Variants in NUP210L observed in about 807,000 individuals in gnomAD.
NUP210L encodes the protein nucleoporin 210 like, also known as nuclear pore membrane glycoprotein 210-like.
A neutral mutation model predicts 208.5 loss-of-function variants in NUP210L; 74 were observed. The ratio of observed to expected loss-of-function variants is 0.35; its 90% CI spans 0.29 to 0.43. The LOEUF (loss-of-function observed/expected upper bound fraction) is 0.43, where lower values mean the gene tolerates loss of function less well. NUP210L is among the 20% of genes least tolerant of loss of function. The pLI is 1.00. For synonymous variants in NUP210L, 780 were observed against 816.9 expected (o/e 0.95, Z 0.77); for missense variants, 1,843 against 2,289.4 (o/e 0.81, Z 3.98).
intron 35 of NUP210L, among the ~76,000 whole-genome samples, chr1:154,005,262 C>T (rs374657017): frequency 6.6e-5 from 10 of 151,984 alleles, no homozygotes; most frequent in African/African-American, 2.2e-4. Flanking sequence ...GTCTGTCGCC[C>T]AGGCAAAATG....
At chr1:154,013,006 C>CAAAAAAAAAAAAAA (rs149011212) in intron 33 of NUP210L, among the ~76,000 whole-genome samples, 1 of 72,638 alleles carries the variant, frequency 1.4e-5, no homozygotes, top group Non-Finnish European at 2.4e-5. Flanking sequence ...AACTCTGAAT[C>CAAAAAAAAAAAAAA]AAAAAAAAAA....
At chr1:154,043,375 C>G (rs953122412) in intron 27 of NUP210L, among the ~76,000 whole-genome samples, 1 of 147,452 alleles carries the variant, frequency 6.8e-6, no homozygotes, top group Non-Finnish European at 1.5e-5. Context: ...AGTGCAATGG[C>G]GTAATCTCAG....
intron 2 of NUP210L, among the ~76,000 whole-genome samples, chr1:154,143,807 A>G (rs190993651): frequency 1.3e-5 from 2 of 152,310 alleles, no homozygotes; most frequent in East Asian, 3.9e-4. Context: ...CTACTCATCC[A>G]TGGAAAAATA....
intron 15 of NUP210L, among the ~76,000 whole-genome samples, chr1:154,092,011 CAG>C (rs1241201780): frequency 2.0e-5 from 3 of 150,670 alleles, no homozygotes; most frequent in African/African-American, 7.3e-5. Context: ...GCCAAAATTA[CAG>C]AGACAGAAAG....
At chr1:154,152,592 G>A (rs186377244) in intron 2 of NUP210L, 144 bp downstream of exon 2, 144 of 692,770 alleles carry the variant, frequency 2.1e-4, no homozygotes, top group East Asian at 1.8e-3. Flanking sequence ...GATTAAAGGC[G>A]TGAGCCACTG....
intron 38 of NUP210L, among the ~76,000 whole-genome samples, chr1:153,994,817 G>A (rs1350851725): frequency 6.6e-6 from 1 of 151,138 alleles, no homozygotes; most frequent in Non-Finnish European, 1.5e-5. Flanking sequence ...TTCAAGACCA[G>A]CCTGGCCAAG....
intron 17 of NUP210L, 55 bp from the exon 18 acceptor site, chr1:154,061,729 A>G: frequency 9.0e-7 from 1 of 1,117,074 alleles, no homozygotes; most frequent in Non-Finnish European, 1.3e-6. Context: ...AGAATACGCA[A>G]GTGTTTCTAG....
rs187868474 is a variant in NUP210L at position 154,098,581 on chromosome 1, C to T, written c.1965+1417G>A. Among the ~76,000 whole-genome samples the T allele has an allele frequency of 1.3e-4, 20 of 152,212 alleles. No individual in the cohort carries two copies. The East Asian group carries it at 3.7e-3, about 28-fold the overall frequency. ...TCTGCAGCTCTCAGCAGAGAGGAGG[C>T]CCTGGAGTTGGTAGCTCCTCTCTGC... On this transcript the variant is annotated intron_variant, in intron 14 of 39. Transcript: ENST00000368559.
At chr1:154,018,614 C>T (rs1269348262) in intron 33 of NUP210L, among the ~76,000 whole-genome samples, 2 of 152,178 alleles carry the variant, frequency 1.3e-5, no homozygotes, top group East Asian at 1.9e-4. Flanking sequence ...ATCACCTCCT[C>T]TGTCACCACC....
intron 33 of NUP210L, among the ~76,000 whole-genome samples, chr1:154,018,710 T>G (rs1302984322): frequency 6.6e-6 from 1 of 152,196 alleles, no homozygotes; most frequent in Non-Finnish European, 1.5e-5. Context: ...TAGTGTCTAG[T>G]GCCAACCAGT....
intron 14 of NUP210L, among the ~76,000 whole-genome samples, chr1:154,098,106 A>T (rs1166004807): frequency 2.0e-5 from 3 of 152,214 alleles, no homozygotes; most frequent in Non-Finnish European, 4.4e-5. Flanking sequence ...CTGCAGTGGG[A>T]CAGGCAGCTC....
At position 154,114,817 on chromosome 1, in the gene NUP210L, G is replaced by C. The variant is rs923173260; in HGVS notation, c.1620+2908C>G. 9.3e-5 allele frequency among the ~76,000 whole-genome samples: 14 copies of C among 149,848 alleles called. 1 individual carries two copies. The South Asian group carries it at 2.1e-3, about 22-fold the overall frequency. On this transcript the variant is annotated intron_variant, in intron 12 of 39. Transcript: ENST00000368559. ...TTGCTTTGTTGTCCAGGCTGGTCTC[G>C]AACTCCTGGCCTCAAGCCACTCTCC...
chr1:154,065,885 T>C (rs1197493253), intron 17 of NUP210L, among the ~76,000 whole-genome samples: 6 of 99,348 alleles, frequency 6.0e-5, no homozygotes, highest in Admixed American at 1.6e-4. Flanking sequence ...ACAGTGAGAC[T>C]CTGTCTCAAA....
intron 27 of NUP210L, among the ~76,000 whole-genome samples, chr1:154,033,544 G>A (rs1652370462): frequency 1.3e-5 from 2 of 152,116 alleles, no homozygotes; most frequent in Non-Finnish European, 2.9e-5. Context: ...TTTGTTAAAA[G>A]TGAGTTTCCT....
rs138379139 is a variant in NUP210L at position 154,068,303 on chromosome 1, T to C, written c.2554+1970A>G. ...CACACATCTACAACCATCTGATCTT[T>C]GACAAACCTGACAAAAACAAGAAAT... On this transcript the variant is annotated intron_variant, in intron 17 of 39. Transcript: ENST00000368559. 4.1e-3 allele frequency among the ~76,000 whole-genome samples: 628 copies of C among 152,242 alleles called. 14 individuals carry two copies. The East Asian group carries it at 0.063, about 15-fold the overall frequency.
chr1:154,030,089 T>C, intron 27 of NUP210L, 35 bp from the exon 28 acceptor site: 1 of 1,406,390 alleles, frequency 7.1e-7, no homozygotes, highest in Non-Finnish European at 9.5e-7. Context: ...GAAATATTCA[T>C]CAATAAACAT....
chr1:154,013,078 A>G (rs1383928158), intron 33 of NUP210L, among the ~76,000 whole-genome samples: 1 of 151,482 alleles, frequency 6.6e-6, no homozygotes, highest in African/African-American at 2.4e-5. Flanking sequence ...TCCAAAAAAA[A>G]AAAAAGACAG....
intron 13 of NUP210L, among the ~76,000 whole-genome samples, chr1:154,102,848 A>G (rs1656538286): frequency 7.9e-6 from 1 of 125,860 alleles, no homozygotes; most frequent in South Asian, 2.3e-4. Context: ...CATTCCTCTT[A>G]AAAGACATAT....
chr1:154,074,948 C>T (rs1222293316), intron 16 of NUP210L, among the ~76,000 whole-genome samples: 1 of 152,194 alleles, frequency 6.6e-6, no homozygotes, highest in Non-Finnish European at 1.5e-5. Flanking sequence ...TTTCAACCCT[C>T]TGCCATTATT....
Sources: gnomAD v4.1 joint callset for allele counts (sites outside exome capture counted in the v4.1 genomes callset) on GRCh38, gnomAD v4.1.1 for gene constraint, MANE v1.5 for transcripts, NCBI Gene and HGNC (gene_info 2026-07-23, HGNC 2026-07-21) for gene names.